Variants in PTN observed in about 807,000 individuals in gnomAD.
The protein encoded by PTN is pleiotrophin.
Under a neutral mutation model 24.1 loss-of-function variants are expected in PTN, and 18 were observed. That is an observed-to-expected ratio of 0.75 (90% CI 0.52 to 1.11). The LOEUF is 1.11. PTN is among the 50% of genes least tolerant of loss of function. The probability of loss-of-function intolerance (pLI) is 0.00; values close to 1 mark genes in which losing one functional copy is unlikely to be tolerated. For synonymous variants in PTN, 78 were observed against 68.6 expected (o/e 1.14, Z -0.67); for missense variants, 163 against 198.8 (o/e 0.82, Z 1.08).
At chr7:137,239,579 T>C (rs1396742389) in intron 4 of PTN, among the ~76,000 whole-genome samples, 1 of 148,032 alleles carries the variant, frequency 6.8e-6, no homozygotes, top group South Asian at 2.1e-4. Context: ...GTCCCCAGAG[T>C]GTGATGTTTC....
chr7:137,256,323 C>T (rs1251252842), intron 1 of PTN, among the ~76,000 whole-genome samples: 1 of 152,150 alleles, frequency 6.6e-6, no homozygotes, highest in African/African-American at 2.4e-5. Context: ...CCTTACCCCA[C>T]ACCCCTCAAC....
chr7:137,267,683 C>T (rs767800728), intron 1 of PTN, among the ~76,000 whole-genome samples: 6 of 152,044 alleles, frequency 3.9e-5, no homozygotes, highest in Admixed American at 3.3e-4. Flanking sequence ...CGTGTCTCCT[C>T]GAGACAAAAC....
At chr7:137,242,761 A>T (rs1473794601) in intron 4 of PTN, among the ~76,000 whole-genome samples, 1 of 152,190 alleles carries the variant, frequency 6.6e-6, no homozygotes, top group Non-Finnish European at 1.5e-5. Context: ...CTCCAGTGAC[A>T]AATACCAGAA....
Position 137,283,952 on chromosome 7 carries a change from A to ATTTTTTTTTTTTTTTTTTTTTTTT in PTN, c.-1-29002_-1-28979dup, listed in dbSNP as rs753374720. 1.8e-4 allele frequency among the ~76,000 whole-genome samples: 9 copies of ATTTTTTTTTTTTTTTTTTTTTTTT among 48,912 alleles called. 4 individuals are homozygous for ATTTTTTTTTTTTTTTTTTTTTTTT. The highest frequency in any genetic ancestry group is 3.0e-4 in the Non-Finnish European group (9 of 29,934). The allele number at this position is 48,912 out of a possible 152,430, so 32.1% of individuals were successfully genotyped here. A position where few individuals can be genotyped will look rare whatever the true frequency, so the allele number is the denominator to read the frequency against. On this transcript the variant is annotated intron_variant, in intron 1 of 4. Transcript: ENST00000348225. ...AAATGAATGTGAAAATGAGCATCAG[A>ATTTTTTTTTTTTTTTTTTTTTTTT]TTTTTTTTTTTTTTTTTTTTTTTTT...
At chr7:137,249,384 T>C (rs1054099951) in intron 4 of PTN, among the ~76,000 whole-genome samples, 6 of 151,950 alleles carry the variant, frequency 3.9e-5, no homozygotes, top group Non-Finnish European at 7.4e-5. Context: ...TTTGGCTGCA[T>C]CATGAAACCT....
intron 3 of PTN, 139 bp downstream of exon 3, chr7:137,253,325 T>A: frequency 2.3e-6 from 2 of 859,066 alleles, no homozygotes; most frequent in Non-Finnish European, 1.7e-6. Flanking sequence ...TGGCCTGAAA[T>A]GGGACCAGTC....
chr7:137,343,411 C>T lies in PTN; in HGVS notation c.-2+28G>A, dbSNP rs116470147. 1,281 of 497,002 alleles carry T rather than the reference C, an allele frequency of 2.6e-3. 14 individuals carry two copies. The highest frequency in any genetic ancestry group is 0.022 in the African/African-American group (1,131 of 51,554). The allele number at this position is 497,002 out of a possible 1,614,324, so 30.8% of individuals were successfully genotyped here. A position where few individuals can be genotyped will look rare whatever the true frequency, so the allele number is the denominator to read the frequency against. ...AGGCAAACTCGATCGAAGAGCCCTC[C>T]GAGAAATCGTACGTTCCTCTCACTT... On this transcript the variant is annotated intron_variant, in intron 1 of 4. Coordinates refer to ENST00000348225, the MANE Select transcript of PTN (RefSeq NM_002825.7).
At chr7:137,342,285 G>GCA (rs975372391) in intron 1 of PTN, among the ~76,000 whole-genome samples, 101 of 151,958 alleles carry the variant, frequency 6.6e-4, no homozygotes, top group African/African-American at 2.4e-3. Flanking sequence ...CCTCTCTCTA[G>GCA]CACACACACA....
At chr7:137,311,708 C>T (rs1809985434) in intron 1 of PTN, among the ~76,000 whole-genome samples, 1 of 152,166 alleles carries the variant, frequency 6.6e-6, no homozygotes. Context: ...TCAGAACACA[C>T]ACAACATTTA....
At chr7:137,319,101 C>T (rs1208511654) in intron 1 of PTN, among the ~76,000 whole-genome samples, 1 of 152,202 alleles carries the variant, frequency 6.6e-6, no homozygotes, top group African/African-American at 2.4e-5. Flanking sequence ...GTTCAACAGA[C>T]ACCACATCGT....
intron 4 of PTN, chr7:137,236,173 C>T (rs1319783517): frequency 5.7e-6 from 4 of 702,284 alleles, no homozygotes; most frequent in Non-Finnish European, 7.8e-6. Flanking sequence ...ATCCATCTCC[C>T]TTCACCCAAA....
chr7:137,329,890 C>G (rs1171867467), intron 1 of PTN, among the ~76,000 whole-genome samples: 1 of 152,112 alleles, frequency 6.6e-6, no homozygotes, highest in Non-Finnish European at 1.5e-5. Context: ...AGAAACATAG[C>G]CAGTGAAACT....
intron 1 of PTN, among the ~76,000 whole-genome samples, chr7:137,323,778 T>C (rs1810204314): frequency 6.6e-6 from 1 of 152,188 alleles, no homozygotes; most frequent in Non-Finnish European, 1.5e-5. Context: ...AAGGGCCAGA[T>C]TGCTGGCCCT....
At chr7:137,300,547 G>A (rs1481474156) in intron 1 of PTN, among the ~76,000 whole-genome samples, 1 of 151,956 alleles carries the variant, frequency 6.6e-6, no homozygotes, top group Non-Finnish European at 1.5e-5. Flanking sequence ...TTGGGAGGCA[G>A]GGGTGAGTTA....
At chr7:137,253,218 C>T (rs764290317) in intron 3 of PTN, among the ~76,000 whole-genome samples, 2 of 152,008 alleles carry the variant, frequency 1.3e-5, no homozygotes, top group South Asian at 2.1e-4. Context: ...ACATCTGGAG[C>T]GGGTGAGGAA....
intron 1 of PTN, among the ~76,000 whole-genome samples, chr7:137,319,637 G>T (rs1199217815): frequency 6.6e-6 from 1 of 152,156 alleles, no homozygotes; most frequent in Non-Finnish European, 1.5e-5. Context: ...ATTTTATCAG[G>T]ATCTCAAAAT....
intron 1 of PTN, among the ~76,000 whole-genome samples, chr7:137,302,747 A>G (rs1345564142): frequency 6.6e-6 from 1 of 151,984 alleles, no homozygotes; most frequent in Non-Finnish European, 1.5e-5. Context: ...TAAGGCATTT[A>G]CATTTGAATT....
At chr7:137,269,085 T>C (rs1173907450) in intron 1 of PTN, among the ~76,000 whole-genome samples, 1 of 152,226 alleles carries the variant, frequency 6.6e-6, no homozygotes, top group East Asian at 1.9e-4. Flanking sequence ...AGTTACTTTG[T>C]ATGAGATTTG....
intron 4 of PTN, among the ~76,000 whole-genome samples, chr7:137,242,832 C>T (rs1345232605): frequency 6.6e-6 from 1 of 152,210 alleles, no homozygotes; most frequent in African/African-American, 2.4e-5. Flanking sequence ...TATAGAGCCA[C>T]AGCACCCCCA....
Sources: allele counts gnomAD v4.1 joint callset (sites outside exome capture counted in the v4.1 genomes callset), GRCh38; gene constraint gnomAD v4.1.1; transcripts MANE v1.5; gene names NCBI Gene and HGNC (gene_info 2026-07-23, HGNC 2026-07-21).